TNRC6A: variants seen among roughly 807,000 people sequenced by gnomAD.
TNRC6A encodes trinucleotide repeat containing adaptor 6A, also known as trinucleotide repeat-containing gene 6A protein.
A neutral mutation model predicts 221.2 loss-of-function variants in TNRC6A; 44 were observed. That is an observed-to-expected ratio of 0.20 (90% CI 0.16 to 0.26). TNRC6A has a LOEUF of 0.26. TNRC6A is among the 10% of genes least tolerant of loss of function. The pLI, the probability that TNRC6A is intolerant of heterozygous loss-of-function variation, is 1.00. For missense variants in TNRC6A, 2,199 were observed against 2,404.4 expected (o/e 0.91, Z 1.79); for synonymous variants, 847 against 838.5 (o/e 1.01, Z -0.18).
At chr16:24,811,669 G>A (rs1247333611) in intron 18 of TNRC6A, among the ~76,000 whole-genome samples, 2 of 151,798 alleles carry the variant, frequency 1.3e-5, no homozygotes, top group African/African-American at 2.4e-5. Context: ...TTGCACTTTC[G>A]AATGATGCCT....
chr16:24,796,036 T>A (rs774149557), intron 9 of TNRC6A, 97 bp downstream of exon 9: 1 of 1,388,358 alleles, frequency 7.2e-7, no homozygotes, highest in South Asian at 1.2e-5. Flanking sequence ...GTGTGCCAGG[T>A]ACTGTGCTTG....
intron 1 of TNRC6A, among the ~76,000 whole-genome samples, chr16:24,621,083 C>CAAAAA (rs56266931): frequency 1.9e-4 from 8 of 42,696 alleles, no homozygotes; most frequent in East Asian, 8.6e-4. Context: ...GACGCCGTCT[C>CAAAAA]AAAAAAAAAA....
chr16:24,779,847 CT>C (rs1162730321), intron 5 of TNRC6A, among the ~76,000 whole-genome samples: 1 of 152,042 alleles, frequency 6.6e-6, no homozygotes, highest in Non-Finnish European at 1.5e-5. Context: ...TCGTATTTGG[CT>C]TTTTTACATT....
At chr16:24,769,486 C>G (rs1233278286) in intron 4 of TNRC6A, among the ~76,000 whole-genome samples, 1 of 142,558 alleles carries the variant, frequency 7.0e-6, no homozygotes, top group East Asian at 2.0e-4. Context: ...AAAAAAAAAA[C>G]CCTAAAAATA....
At chr16:24,714,970 G>A (rs1428314471) in intron 2 of TNRC6A, among the ~76,000 whole-genome samples, 6 of 148,638 alleles carry the variant, frequency 4.0e-5, no homozygotes, top group East Asian at 2.1e-4. Flanking sequence ...TCCACCTCCC[G>A]GGTTCACGCC....
At chr16:24,759,120 A>G (rs2057310565) in intron 4 of TNRC6A, among the ~76,000 whole-genome samples, 2 of 152,350 alleles carry the variant, frequency 1.3e-5, no homozygotes, top group South Asian at 4.1e-4. Context: ...GAAATGGTTC[A>G]AGCATGATTC....
intron 2 of TNRC6A, among the ~76,000 whole-genome samples, chr16:24,710,582 T>A (rs535539019): frequency 1.3e-5 from 2 of 152,202 alleles, no homozygotes; most frequent in African/African-American, 4.8e-5. Flanking sequence ...TACTAAGCAG[T>A]GCTAGATTTC....
At chr16:24,782,481 C>T (rs2057872186) in intron 5 of TNRC6A, among the ~76,000 whole-genome samples, 1 of 152,124 alleles carries the variant, frequency 6.6e-6, no homozygotes, top group African/African-American at 2.4e-5. Flanking sequence ...CCATCTGGCT[C>T]GCAAGGCCTA....
intron 2 of TNRC6A, among the ~76,000 whole-genome samples, chr16:24,748,469 C>G (rs1376180251): frequency 6.6e-6 from 1 of 152,076 alleles, no homozygotes; most frequent in Non-Finnish European, 1.5e-5. Context: ...CCACAGTTGG[C>G]AGGAATCTGT....
chr16:24,614,657 T>C (rs1198394655), intron 1 of TNRC6A, among the ~76,000 whole-genome samples: 1 of 152,206 alleles, frequency 6.6e-6, no homozygotes, highest in Non-Finnish European at 1.5e-5. Flanking sequence ...TAATGAAATT[T>C]GGGCCATATG....
chr16:24,669,978 C>T (rs1332526654), intron 2 of TNRC6A, among the ~76,000 whole-genome samples: 1 of 19,934 alleles, frequency 5.0e-5, no homozygotes, highest in Admixed American at 6.3e-4. Context: ...TAGACAGAGT[C>T]TCACTCTGTC....
At chr16:24,651,333 G>A (rs1487899800) in intron 2 of TNRC6A, among the ~76,000 whole-genome samples, 1 of 151,874 alleles carries the variant, frequency 6.6e-6, no homozygotes, top group East Asian at 1.9e-4. Context: ...GAGGTTGGGA[G>A]TTCGAGACCA....
Position 24,806,773 on chromosome 16 carries a change from A to G in TNRC6A, c.4529A>G (p.Asn1510Ser), listed in dbSNP as rs1241510122. Residue 1510 changes from asparagine (N) to serine (S), a missense_variant, in exon 17 of 25, where the codon AAC becomes AGC. Physicochemically the swap from Asn to Ser is conservative, Grantham distance 46. This residue lies in a region of TNRC6A where 449 missense variants were observed against 579.7 expected (regional missense o/e 0.77). Coordinates refer to ENST00000395799, the MANE Select transcript of TNRC6A (RefSeq NM_014494.4). ...KGPSPINAFS[N>S]FPIGLNSNLN... ...CCATCACCAATAAATGCTTTCAGCA[A>G]CTTCCCTATAGGTGGGTTTCTCCTT... 2 of 1,614,186 alleles carry G rather than the reference A, an allele frequency of 1.2e-6. No individual in the cohort carries two copies. The highest frequency in any genetic ancestry group is 1.7e-6 in the Non-Finnish European group (2 of 1,180,034).
At chr16:24,620,204 T>C (rs1900593770) in intron 1 of TNRC6A, among the ~76,000 whole-genome samples, 1 of 152,140 alleles carries the variant, frequency 6.6e-6, no homozygotes, top group South Asian at 2.1e-4. Flanking sequence ...TGAATTATCA[T>C]ACTAGCTTCG....
intron 2 of TNRC6A, among the ~76,000 whole-genome samples, chr16:24,706,449 C>A (rs569178315): frequency 2.0e-5 from 3 of 152,120 alleles, no homozygotes; most frequent in Non-Finnish European, 4.4e-5. Context: ...CAGTGGCTCA[C>A]GCCTATAATC....
At chr16:24,621,613 C>A (rs1351316528) in intron 1 of TNRC6A, among the ~76,000 whole-genome samples, 1 of 152,052 alleles carries the variant, frequency 6.6e-6, no homozygotes, top group Non-Finnish European at 1.5e-5. Context: ...CCACCTTGGC[C>A]TCCCAAAGTG....
chr16:24,763,116 T>C (rs953352878), intron 4 of TNRC6A, among the ~76,000 whole-genome samples: 68 of 152,216 alleles, frequency 4.5e-4, no homozygotes, highest in Admixed American at 4.4e-3. Flanking sequence ...AACAAGAGTT[T>C]TGAGAGCCAA....
chr16:24,766,282 A>G (rs1280505130), intron 4 of TNRC6A, among the ~76,000 whole-genome samples: 1 of 152,196 alleles, frequency 6.6e-6, no homozygotes, highest in African/African-American at 2.4e-5. Flanking sequence ...GTAAAATGGG[A>G]ATAATATTTC....
At chr16:24,802,315 G>A (rs566837251) in intron 11 of TNRC6A, among the ~76,000 whole-genome samples, 15 of 152,304 alleles carry the variant, frequency 9.8e-5, no homozygotes, top group African/African-American at 3.6e-4. Flanking sequence ...TCAGGAGGCC[G>A]AGGTGGACAG....
Sources: allele counts gnomAD v4.1 joint callset (sites outside exome capture counted in the v4.1 genomes callset), GRCh38; gene constraint gnomAD v4.1.1; regional missense constraint gnomAD v4.1.1; transcripts MANE v1.5; gene names NCBI Gene and HGNC (gene_info 2026-07-23, HGNC 2026-07-21).